The following CNRIP1 variants were observed in gnomAD, a reference collection of about 807,000 sequenced individuals.
CNRIP1 encodes the protein CB1 cannabinoid receptor-interacting protein 1.
A neutral mutation model predicts 15.2 loss-of-function variants in CNRIP1; 10 were observed. The ratio of observed to expected loss-of-function variants is 0.66; its 90% CI spans 0.41 to 1.12. The LOEUF (loss-of-function observed/expected upper bound fraction) is 1.12, where lower values mean the gene tolerates loss of function less well. CNRIP1 is among the 50% of genes most tolerant of loss of function. The pLI is 0.00. For missense variants in CNRIP1, 211 were observed against 214.7 expected, an observed-to-expected ratio of 0.98 and a Z score of 0.11; for synonymous variants, 91 against 83.2, an observed-to-expected ratio of 1.09 and a Z score of -0.51.
At chr2:68,287,060 T>C (rs998045708) in intron 2 of CNRIP1, among the ~76,000 whole-genome samples, 1 of 152,226 alleles carries the variant, frequency 6.6e-6, no homozygotes, top group Non-Finnish European at 1.5e-5. Context: ...TAATTTATCT[T>C]ATTTTTTAAG....
At chr2:68,316,899 G>A (rs1387105578) in intron 2 of CNRIP1, 1 of 607,582 alleles carries the variant, frequency 1.6e-6, no homozygotes, top group Non-Finnish European at 2.9e-6. Flanking sequence ...AAATGGCAAT[G>A]TAGGTTCTGT....
Position 68,319,434 on chromosome 2 carries a change from GGGCGGAGGACAGCGCC to G in CNRIP1, c.-50_-35del. On this transcript the variant is annotated 5_prime_UTR_variant, in exon 1 of 3. Transcript: ENST00000263655. ...GAGGGTCTGGCGCGGCGGCTCCGGG[GGGCGGAGGACAGCGCC>G]GGCTGCGGCCGAGTGGCTGGAGCGC... 5 of 1,495,914 alleles carry G rather than the reference GGGCGGAGGACAGCGCC, an allele frequency of 3.3e-6. No individual in the cohort carries two copies. Among genetic ancestry groups the G allele is most frequent in the Non-Finnish European group, 4.4e-6 (5 of 1,124,016 alleles). The allele number at this position is 1,495,914 out of a possible 1,614,324, so 92.7% of individuals were successfully genotyped here. A position where few individuals can be genotyped will look rare whatever the true frequency, so the allele number is the denominator to read the frequency against.
rs1416868311 is a variant in CNRIP1 at position 68,319,295 on chromosome 2, G to A, written c.106C>T (p.Arg36Cys). 3 of 1,552,990 alleles carry A rather than the reference G, an allele frequency of 1.9e-6. No homozygotes were observed. The highest frequency in any genetic ancestry group is 2.6e-6 in the Non-Finnish European group (3 of 1,148,128). ...KVDGQRFGQN[R>C]TIKLLTGSSY... ...GAGCCGGTGAGCAGCTTGATGGTGC[G>A]GTTCTGGCCGAAGCGCTGCCCGTCC... Residue 36 changes from arginine (R) to cysteine (C), a missense_variant, in exon 1 of 3, where the codon CGC becomes TGC. Physicochemically the swap from Arg to Cys is radical, Grantham distance 180. Transcript: ENST00000263655.
intron 2 of CNRIP1, among the ~76,000 whole-genome samples, chr2:68,300,466 A>G (rs1671563584): frequency 6.6e-6 from 1 of 152,014 alleles, no homozygotes. Flanking sequence ...AAAATACAAA[A>G]ATTAGCCGGG....
chr2:68,299,150 G>A (rs984478882), intron 2 of CNRIP1, among the ~76,000 whole-genome samples: 2 of 152,172 alleles, frequency 1.3e-5, no homozygotes, highest in Admixed American at 6.5e-5. Context: ...ATAGGAGCAG[G>A]ACAAGAACCT....
intron 2 of CNRIP1, 149 bp from the exon 3 acceptor site, chr2:68,294,175 T>G (rs1671263612): frequency 1.4e-6 from 1 of 727,456 alleles, no homozygotes; most frequent in Non-Finnish European, 2.2e-6. Flanking sequence ...TTTCCTTTAG[T>G]GGTCTAGCTC....
In CNRIP1 at chr2:68,310,712, TA is replaced by T. The variant is rs34235316; in HGVS notation, c.330+6444del. On this transcript the variant is annotated intron_variant, in intron 2 of 2. Coordinates refer to ENST00000263655, the MANE Select transcript of CNRIP1 (RefSeq NM_015463.3). Reference sequence around the variant, plus strand: ...TGAAACATGAAAGTGTGACCCATATTAAAAAAAAAAAAAGTCAGGCTGTAAT... The same window carrying T: ...TGAAACATGAAAGTGTGACCCATATTAAAAAAAAAAAAGTCAGGCTGTAAT... Among the ~76,000 whole-genome samples the T allele has an allele frequency of 6.0e-3, 864 of 144,970 alleles. 9 individuals carry two copies. The highest frequency in any genetic ancestry group is 0.02 in the African/African-American group (799 of 39,538).
chr2:68,287,737 C>A (rs765598523), intron 2 of CNRIP1, among the ~76,000 whole-genome samples: 2 of 152,238 alleles, frequency 1.3e-5, no homozygotes, highest in Admixed American at 6.5e-5. Context: ...GCTACCAGCA[C>A]ATGGCCTTAG....
At chr2:68,285,179 C>A (rs1233984281) in intron 2 of CNRIP1, among the ~76,000 whole-genome samples, 1 of 152,090 alleles carries the variant, frequency 6.6e-6, no homozygotes, top group Non-Finnish European at 1.5e-5. Flanking sequence ...AGTGGGATCC[C>A]TTCCAGGCCC....
In CNRIP1 at chr2:68,298,143, G is replaced by T. The variant is rs1179571339; in HGVS notation, c.331-4117C>A. 1.3e-5 allele frequency among the ~76,000 whole-genome samples: 2 copies of T among 152,194 alleles called. 1 individual carries two copies. Among genetic ancestry groups the T allele is most frequent in the South Asian group, 4.1e-4 (2 of 4,822 alleles). ...GTTCACAATAGGTTAGTGGTGGTATGTATAAATCAAAATCTCATTTTATAA... is the reference window on the plus strand; with the variant it reads ...GTTCACAATAGGTTAGTGGTGGTATTTATAAATCAAAATCTCATTTTATAA... On this transcript the variant is annotated intron_variant, in intron 2 of 2. Transcript: ENST00000263655.
chr2:68,316,132 TGG>T (rs1272528463), intron 2 of CNRIP1: 1 of 150,592 alleles, frequency 6.6e-6, no homozygotes, highest in East Asian at 1.9e-4. Flanking sequence ...TAATGGGGAC[TGG>T]GAACACTTTA....
At chr2:68,305,270 ATATATGTG>A (rs1342025723) in intron 2 of CNRIP1, among the ~76,000 whole-genome samples, 1 of 98,596 alleles carries the variant, frequency 1.0e-5, no homozygotes, top group African/African-American at 3.7e-5. Flanking sequence ...ATATATATAT[ATATATGTG>A]TGTGTGTGTG....
chr2:68,297,549 C>A (rs1215917080), intron 2 of CNRIP1, among the ~76,000 whole-genome samples: 2 of 110,562 alleles, frequency 1.8e-5, no homozygotes, highest in Admixed American at 1.1e-4. Context: ...GCCTGGGCAA[C>A]AGGGCAAGAC....
intron 2 of CNRIP1, among the ~76,000 whole-genome samples, chr2:68,287,884 A>G (rs1455874939): frequency 6.6e-6 from 1 of 152,270 alleles, no homozygotes; most frequent in Admixed American, 6.5e-5. Context: ...CCTTAGGACT[A>G]TCATTAATAA....
In CNRIP1 at chr2:68,293,364, G is replaced by A. The variant is rs1415733037; in HGVS notation, c.*498C>T. 7 of 986,662 alleles carry A rather than the reference G, an allele frequency of 7.1e-6. No individual in the cohort carries two copies. The African/African-American group carries it at 1.0e-4, about 15-fold the overall frequency. 61.1% of individuals were successfully genotyped at this position (986,662 alleles called of 1,614,324 possible). On this transcript the variant is annotated 3_prime_UTR_variant, in exon 3 of 3. Coordinates refer to ENST00000263655, the MANE Select transcript of CNRIP1 (RefSeq NM_015463.3). ...CAACATTTGAGTCCCATTCACTGCTGTTTGTATTACATTTTCACAAAGCCT... is the reference window on the plus strand; with the variant it reads ...CAACATTTGAGTCCCATTCACTGCTATTTGTATTACATTTTCACAAAGCCT...
In CNRIP1 at chr2:68,317,234, A is replaced by C. The variant is rs1176017264; in HGVS notation, c.253T>G (p.Tyr85Asp). The C allele has an allele frequency of 2.5e-6, 4 of 1,614,178 alleles. No individual in the cohort carries two copies. The highest frequency in any genetic ancestry group is 3.4e-6 in the Non-Finnish European group (4 of 1,180,028). Reference sequence around the variant, plus strand: ...CCTTCTGTGTCATATGTACCCGTATAAACAACTCTGTCCCCATCAGGCTCT... The same window carrying C: ...CCTTCTGTGTCATATGTACCCGTATCAACAACTCTGTCCCCATCAGGCTCT... Reference protein sequence around the residue: ...SKEPDGDRVVYTGTYDTEGVT... With the variant: ...SKEPDGDRVVDTGTYDTEGVT... The change falls in exon 2 of 3, where the codon TAT becomes GAT. Residue 85 changes from tyrosine to aspartate, a missense_variant. By Grantham distance (160) the Tyr-to-Asp change is radical. Coordinates refer to ENST00000263655, the MANE Select transcript of CNRIP1 (RefSeq NM_015463.3).
chr2:68,302,996 C>G (rs191697803), intron 2 of CNRIP1, among the ~76,000 whole-genome samples: 2 of 151,830 alleles, frequency 1.3e-5, no homozygotes, highest in Non-Finnish European at 2.9e-5. Flanking sequence ...TACAGGCGCC[C>G]GCTACCTCGC....
At chr2:68,311,213 A>G (rs28791776) in intron 2 of CNRIP1, among the ~76,000 whole-genome samples, 34,093 of 152,028 alleles carry the variant, frequency 0.22, 3,962 homozygotes, top group Middle Eastern at 0.28. Flanking sequence ...GGGGGGAAAA[A>G]CCAGTTAAGA....
intron 2 of CNRIP1, among the ~76,000 whole-genome samples, chr2:68,305,472 G>T (rs1202189763): frequency 5.9e-5 from 9 of 151,970 alleles, no homozygotes; most frequent in African/African-American, 2.2e-4. Flanking sequence ...CAGTGTGGGT[G>T]CCTAAGTCAA....
Sources: gnomAD v4.1 joint callset for allele counts (sites outside exome capture counted in the v4.1 genomes callset) on GRCh38, gnomAD v4.1.1 for gene constraint, MANE v1.5 for transcripts, NCBI Gene and HGNC (gene_info 2026-07-23, HGNC 2026-07-21) for gene names.